The following MORN4 variants were observed in gnomAD, a reference collection of about 807,000 sequenced individuals.
The protein encoded by MORN4 is MORN repeat-containing protein 4.
Under a neutral mutation model 16.4 loss-of-function variants are expected in MORN4, and 8 were observed. The observed-to-expected ratio is 0.49, with a 90% CI of 0.29 to 0.88. MORN4 has a LOEUF of 0.88. Among genes scored for constraint, MORN4 ranks in the 40% least tolerant of loss-of-function variants. The pLI is 0.09. For synonymous variants in MORN4, 53 were observed against 68.9 expected, an observed-to-expected ratio of 0.77 and a Z score of 1.14; for missense variants, 159 against 182.9, an observed-to-expected ratio of 0.87 and a Z score of 0.75.
Position 97,616,134 on chromosome 10 carries a change from G to A in MORN4, c.*129C>T. The A allele has an allele frequency of 1.1e-6, 1 of 925,838 alleles. No homozygotes were observed. Among genetic ancestry groups the A allele is most frequent in the Non-Finnish European group, 1.5e-6 (1 of 648,866 alleles). 57.4% of individuals were successfully genotyped at this position (925,838 alleles called of 1,614,324 possible). On this transcript the variant is annotated 3_prime_UTR_variant, in exon 5 of 5. Transcript: ENST00000307450. ...CCAGTTCTGGAATGGCAGGTGACAGGGCACATACAAGGCCTCTGCTCCACT... is the reference window on the plus strand; with the variant it reads ...CCAGTTCTGGAATGGCAGGTGACAGAGCACATACAAGGCCTCTGCTCCACT...
chr10:97,619,412 A>G lies in MORN4; in HGVS notation c.67+175T>C, dbSNP rs2041268183. The G allele has an allele frequency of 3.1e-5, 19 of 620,102 alleles. 1 individual carries two copies. The South Asian group carries it at 3.7e-4, about 12-fold the overall frequency. The allele number at this position is 620,102 out of a possible 1,614,324, so 38.4% of individuals were successfully genotyped here. ...TCCTGGAGGTTGAATTAACAATAGC[A>G]TTTTCAAATTCCTTTATTTAATCCT... On this transcript the variant is annotated intron_variant, in intron 2 of 4. Coordinates refer to ENST00000307450, the MANE Select transcript of MORN4 (RefSeq NM_178832.4).
In MORN4 at chr10:97,633,317, G is replaced by T. The variant is rs887112615; in HGVS notation, c.-31+30C>A. 2.3e-6 allele frequency: 3 copies of T among 1,288,192 alleles called. No homozygotes were observed. The highest frequency in any genetic ancestry group is 1.0e-6 in the Non-Finnish European group (1 of 988,150). 79.8% of individuals were successfully genotyped at this position (1,288,192 alleles called of 1,614,324 possible). On this transcript the variant is annotated intron_variant, in intron 1 of 4. Coordinates refer to ENST00000307450, the MANE Select transcript of MORN4 (RefSeq NM_178832.4). The surrounding 1 kb of genome is among the most constrained non-coding windows in gnomAD (Gnocchi z 4.5). ...CACCTGACCGATCACACTCTTTCCC[G>T]GCCCCCTCCCTCCTGCGCCTCCAGC...
chr10:97,615,474 G>A lies in MORN4; in HGVS notation c.*789C>T, dbSNP rs560430378. Reference sequence around the variant, plus strand: ...GTGGTGGCTCACGCCTGTAATCCCAGCACTTTGGGAGACCAAGGCGGGTGG... The same window carrying A: ...GTGGTGGCTCACGCCTGTAATCCCAACACTTTGGGAGACCAAGGCGGGTGG... On this transcript the variant is annotated 3_prime_UTR_variant, in exon 5 of 5. Coordinates refer to ENST00000307450, the MANE Select transcript of MORN4 (RefSeq NM_178832.4). 2.6e-5 allele frequency: 4 copies of A among 152,328 alleles called. No homozygotes were observed. Among genetic ancestry groups the A allele is most frequent in the Admixed American group, 6.5e-5 (1 of 15,290 alleles). 9.4% of individuals were successfully genotyped at this position (152,328 alleles called of 1,614,324 possible). A position where few individuals can be genotyped will look rare whatever the true frequency, so the allele number is the denominator to read the frequency against.
In MORN4 at chr10:97,616,225, CT is replaced by C; in HGVS notation, c.*37del. On this transcript the variant is annotated 3_prime_UTR_variant, in exon 5 of 5. Transcript: ENST00000307450. ...CTCGAATCAACAACAGGGGCACTGG[CT>C]TTACCCAATACTTATCAGCTGGTGC... 1 of 1,512,690 alleles carries C rather than the reference CT, an allele frequency of 6.6e-7. No individual in the cohort carries two copies. Among genetic ancestry groups the C allele is most frequent in the Non-Finnish European group, 8.8e-7 (1 of 1,131,570 alleles). The allele number at this position is 1,512,690 out of a possible 1,614,324, so 93.7% of individuals were successfully genotyped here. A position where few individuals can be genotyped will look rare whatever the true frequency, so the allele number is the denominator to read the frequency against.
At position 97,633,130 on chromosome 10, in the gene MORN4, C is replaced by G. The variant is rs896707313; in HGVS notation, c.-31+217G>C. Among the ~76,000 whole-genome samples the G allele has an allele frequency of 1.3e-5, 2 of 152,192 alleles. No homozygotes were observed. The highest frequency in any genetic ancestry group is 1.3e-4 in the Admixed American group (2 of 15,272). On this transcript the variant is annotated intron_variant, in intron 1 of 4. Transcript: ENST00000307450. The surrounding 1 kb of genome is among the most constrained non-coding windows in gnomAD (Gnocchi z 4.5). ...CTGATGCAACCCTCCACCCTCTGCT[C>G]GCTAACCCCAGTCCAGTCAGCTCTC...
intron 1 of MORN4, among the ~76,000 whole-genome samples, chr10:97,625,384 A>G (rs976801274): frequency 2.0e-5 from 3 of 152,210 alleles, no homozygotes; most frequent in African/African-American, 7.2e-5. Context: ...TAAGATATGT[A>G]TTTCACATAG....
chr10:97,620,930 G>A (rs1476499080), intron 1 of MORN4, among the ~76,000 whole-genome samples: 2 of 152,130 alleles, frequency 1.3e-5, no homozygotes, highest in East Asian at 3.8e-4. Flanking sequence ...AGACCAGCTT[G>A]GCCAACATGG....
chr10:97,629,417 G>A (rs1412892164), intron 1 of MORN4, among the ~76,000 whole-genome samples: 1 of 152,146 alleles, frequency 6.6e-6, no homozygotes, highest in Non-Finnish European at 1.5e-5. Context: ...TCTGAGGTTA[G>A]ATCATAAAAG....
chr10:97,633,334 GC>G lies in MORN4; in HGVS notation c.-31+12del, dbSNP rs1564769651. Reference sequence around the variant, plus strand: ...TCTTTCCCGGCCCCCTCCCTCCTGCGCCTCCAGCCAACCTGGGGCCGGCCTT... The same window carrying G: ...TCTTTCCCGGCCCCCTCCCTCCTGCGCTCCAGCCAACCTGGGGCCGGCCTT... On this transcript the variant is annotated intron_variant, in intron 1 of 4. Transcript: ENST00000307450. The surrounding 1 kb of genome is among the most constrained non-coding windows in gnomAD (Gnocchi z 4.5). 1 of 1,289,286 alleles carries G rather than the reference GC, an allele frequency of 7.8e-7. No individual in the cohort carries two copies. The allele number at this position is 1,289,286 out of a possible 1,614,324, so 79.9% of individuals were successfully genotyped here. A position where few individuals can be genotyped will look rare whatever the true frequency, so the allele number is the denominator to read the frequency against.
chr10:97,623,080 A>G (rs1231503432), intron 1 of MORN4, among the ~76,000 whole-genome samples: 3 of 151,984 alleles, frequency 2.0e-5, no homozygotes, highest in African/African-American at 7.2e-5. Context: ...TCTAAGCAAT[A>G]CAATGTTTTC....
intron 1 of MORN4, among the ~76,000 whole-genome samples, chr10:97,623,800 A>G (rs1187071084): frequency 1.3e-5 from 2 of 150,048 alleles, no homozygotes; most frequent in East Asian, 2.0e-4. Context: ...CAGTGGCATG[A>G]TCTCGGCTGA....
chr10:97,618,255 CTT>C (rs1486226347), intron 2 of MORN4, among the ~76,000 whole-genome samples: 1 of 132,238 alleles, frequency 7.6e-6, no homozygotes, highest in African/African-American at 2.8e-5. Context: ...GCCAGCCTCT[CTT>C]CTTTTTTTTT....
At chr10:97,632,951 T>C (rs2041409644) in intron 1 of MORN4, among the ~76,000 whole-genome samples, 2 of 152,134 alleles carry the variant, frequency 1.3e-5, no homozygotes, top group East Asian at 1.9e-4. Context: ...ACCAGTGAGA[T>C]AAAGGCGGGC....
At position 97,614,907 on chromosome 10, in the gene MORN4, A is replaced by G. The variant is rs566520569; in HGVS notation, c.*1356T>C. 5 of 152,756 alleles carry G rather than the reference A, an allele frequency of 3.3e-5. No individual in the cohort carries two copies. The East Asian group carries it at 7.7e-4, about 24-fold the overall frequency. The allele number at this position is 152,756 out of a possible 1,614,324, so 9.5% of individuals were successfully genotyped here. On this transcript the variant is annotated 3_prime_UTR_variant, in exon 5 of 5. Coordinates refer to ENST00000307450, the MANE Select transcript of MORN4 (RefSeq NM_178832.4). Reference sequence around the variant, plus strand: ...TCGGGTGAGTCTGATTTATTGGTCCACTGGGAAGAAACTGTGTCAGCCCAA... The same window carrying G: ...TCGGGTGAGTCTGATTTATTGGTCCGCTGGGAAGAAACTGTGTCAGCCCAA...
In MORN4 at chr10:97,615,407, C is replaced by T. The variant is rs1167811566; in HGVS notation, c.*856G>A. On this transcript the variant is annotated 3_prime_UTR_variant, in exon 5 of 5. Transcript: ENST00000307450. The stretch of plus-strand genomic sequence containing the variant: ...GATGAGCCTGAGCCACATAGCAAGA[C>T]CCTGGCTCAATTTTTTATAATAATA... 1.3e-5 allele frequency: 2 copies of T among 152,166 alleles called. No homozygotes were observed. Among genetic ancestry groups the T allele is most frequent in the Non-Finnish European group, 2.9e-5 (2 of 68,046 alleles). The allele number at this position is 152,166 out of a possible 1,614,324, so 9.4% of individuals were successfully genotyped here. A position where few individuals can be genotyped will look rare whatever the true frequency, so the allele number is the denominator to read the frequency against.
chr10:97,622,011 C>T (rs1186346444), intron 1 of MORN4, among the ~76,000 whole-genome samples: 2 of 152,218 alleles, frequency 1.3e-5, no homozygotes, highest in Non-Finnish European at 2.9e-5. Flanking sequence ...CCTCTTGCTA[C>T]ACTTGGACCT....
rs1192502394 is a variant in MORN4, at chr10:97,618,258, C to CTTTTTTTT, written c.68-944_68-937dup. 1.5e-3 allele frequency among the ~76,000 whole-genome samples: 139 copies of CTTTTTTTT among 92,834 alleles called. 4 individuals are homozygous for CTTTTTTTT. Among genetic ancestry groups the CTTTTTTTT allele is most frequent in the East Asian group, 0.011 (31 of 2,790 alleles). 60.9% of individuals were successfully genotyped at this position (92,834 alleles called of 152,430 possible). Reference sequence around the variant, plus strand: ...CCTTTACTATGTGCCAGCCTCTCTTCTTTTTTTTTTTTTTTTTTTTTTTTG... The same window carrying CTTTTTTTT: ...CCTTTACTATGTGCCAGCCTCTCTTCTTTTTTTTTTTTTTTTTTTTTTTTTTTTTTTTG... On this transcript the variant is annotated intron_variant, in intron 2 of 4. Transcript: ENST00000307450.
chr10:97,619,159 T>C (rs1184807987), intron 2 of MORN4, among the ~76,000 whole-genome samples: 1 of 152,010 alleles, frequency 6.6e-6, no homozygotes, highest in East Asian at 1.9e-4. Context: ...ACCCCGTCTC[T>C]ACTAAAAATA....
At chr10:97,623,801 T>C (rs1484655459) in intron 1 of MORN4, among the ~76,000 whole-genome samples, 5 of 151,720 alleles carry the variant, frequency 3.3e-5, no homozygotes, top group Non-Finnish European at 7.4e-5. Context: ...AGTGGCATGA[T>C]CTCGGCTGAC....
Sources: allele counts gnomAD v4.1 joint callset (sites outside exome capture counted in the v4.1 genomes callset), GRCh38; gene constraint gnomAD v4.1.1; non-coding constraint Gnocchi (gnomAD v3.1); transcripts MANE v1.5; gene names NCBI Gene and HGNC (gene_info 2026-07-23, HGNC 2026-07-21).